SORCS3: variants seen among roughly 807,000 people sequenced by gnomAD.
SORCS3 encodes the protein sortilin related VPS10 domain containing receptor 3.
Under a neutral mutation model 146.3 loss-of-function variants are expected in SORCS3, and 57 were observed. The observed-to-expected ratio is 0.39, with a 90% confidence interval of 0.31 to 0.49. SORCS3 has a LOEUF of 0.49. Among genes scored for constraint, SORCS3 ranks in the 20% least tolerant of loss-of-function variants. The pLI is 0.92. For synonymous variants in SORCS3, 653 were observed against 618.5 expected (o/e 1.06, Z -0.83); for missense variants, 1,341 against 1,575.5 (o/e 0.85, Z 2.52).
At chr10:104,747,306 G>A (rs1016683982) in intron 1 of SORCS3, among the ~76,000 whole-genome samples, 1 of 152,190 alleles carries the variant, frequency 6.6e-6, no homozygotes, top group Admixed American at 6.5e-5. Context: ...TTCTAGGGAA[G>A]TAATCAGTCA....
At chr10:105,064,827 A>G (rs1218079787) in intron 5 of SORCS3, among the ~76,000 whole-genome samples, 1 of 151,446 alleles carries the variant, frequency 6.6e-6, no homozygotes, top group Non-Finnish European at 1.5e-5. Context: ...GTGAGGGCAG[A>G]TCTTCCCCAC....
At chr10:105,120,284 T>C (rs1316794085) in intron 7 of SORCS3, among the ~76,000 whole-genome samples, 1 of 152,196 alleles carries the variant, frequency 6.6e-6, no homozygotes, top group Non-Finnish European at 1.5e-5. Flanking sequence ...TTTCCAGCCA[T>C]GTAGAACTGT....
intron 20 of SORCS3, among the ~76,000 whole-genome samples, chr10:105,226,892 G>A (rs1037501226): frequency 2.6e-5 from 4 of 151,686 alleles, no homozygotes; most frequent in Non-Finnish European, 5.9e-5. Flanking sequence ...TGTTTCTGTG[G>A]TATCAGTTGC....
At chr10:104,940,693 G>A (rs879561889) in intron 3 of SORCS3, among the ~76,000 whole-genome samples, 11 of 151,958 alleles carry the variant, frequency 7.2e-5, no homozygotes, top group Admixed American at 1.3e-4. Flanking sequence ...GAATAGTGCC[G>A]CAGTAAACAT....
At chr10:105,001,041 C>A (rs1015907139) in intron 4 of SORCS3, among the ~76,000 whole-genome samples, 2 of 152,062 alleles carry the variant, frequency 1.3e-5, no homozygotes, top group African/African-American at 4.8e-5. Flanking sequence ...TCTATTAGAT[C>A]AAAATGTTTG....
intron 5 of SORCS3, among the ~76,000 whole-genome samples, chr10:105,084,979 C>T (rs1424955714): frequency 6.6e-6 from 1 of 152,112 alleles, no homozygotes; most frequent in East Asian, 1.9e-4. Context: ...ATCCGCCCGA[C>T]TCGGCCTCCC....
intron 1 of SORCS3, among the ~76,000 whole-genome samples, chr10:104,812,602 C>A (rs1465442688): frequency 6.6e-6 from 1 of 152,154 alleles, no homozygotes; most frequent in Admixed American, 6.5e-5. Flanking sequence ...TAGTCACACA[C>A]AGGGATGGGG....
rs143337400 is a variant in SORCS3, at chr10:105,006,836, T to G, written c.954+29343T>G. On this transcript the variant is annotated intron_variant, in intron 4 of 26. Coordinates refer to ENST00000369701, the MANE Select transcript of SORCS3 (RefSeq NM_014978.3). Reference sequence around the variant, plus strand: ...TGTAAAATCTAACTTCTTCTCAACTTACAACAGGCACCCCTTATCCTGCTT... The same window carrying G: ...TGTAAAATCTAACTTCTTCTCAACTGACAACAGGCACCCCTTATCCTGCTT... Among the ~76,000 whole-genome samples the G allele has an allele frequency of 7.6e-3, 1,157 of 152,316 alleles. 7 individuals carry two copies. Among genetic ancestry groups the G allele is most frequent in the African/African-American group, 0.016 (663 of 41,576 alleles).
chr10:104,777,107 C>T (rs1261437859), intron 1 of SORCS3, among the ~76,000 whole-genome samples: 1 of 152,052 alleles, frequency 6.6e-6, no homozygotes, highest in Non-Finnish European at 1.5e-5. Flanking sequence ...CTTCTGGGAC[C>T]CCAGAATTAA....
At chr10:105,242,144 A>C (rs1174930042) in intron 20 of SORCS3, among the ~76,000 whole-genome samples, 1 of 151,144 alleles carries the variant, frequency 6.6e-6, no homozygotes, top group African/African-American at 2.4e-5. Context: ...TATAAAACTA[A>C]ACATTTTCCT....
intron 1 of SORCS3, among the ~76,000 whole-genome samples, chr10:104,781,716 T>C (rs1222106531): frequency 6.6e-6 from 1 of 152,250 alleles, no homozygotes; most frequent in African/African-American, 2.4e-5. Flanking sequence ...ATAACAGTTA[T>C]CCTTTCTTGG....
At chr10:105,111,131 C>G (rs1054747195) in intron 7 of SORCS3, among the ~76,000 whole-genome samples, 1 of 152,222 alleles carries the variant, frequency 6.6e-6, no homozygotes, top group African/African-American at 2.4e-5. Context: ...AGTCTCCATG[C>G]ACAAACTGTG....
chr10:105,076,961 C>T (rs1349247740), intron 5 of SORCS3, among the ~76,000 whole-genome samples: 3 of 152,194 alleles, frequency 2.0e-5, no homozygotes, highest in African/African-American at 7.2e-5. Context: ...ATGGTGGTGG[C>T]TACAGTTCAC....
At chr10:104,890,402 CTA>C (rs1463548345) in intron 2 of SORCS3, among the ~76,000 whole-genome samples, 2 of 151,488 alleles carry the variant, frequency 1.3e-5, no homozygotes, top group African/African-American at 4.8e-5. Context: ...CTTATTTTTT[CTA>C]TGTTTCGTTC....
At chr10:104,825,220 A>T (rs2017921675) in intron 1 of SORCS3, among the ~76,000 whole-genome samples, 1 of 152,174 alleles carries the variant, frequency 6.6e-6, no homozygotes, top group African/African-American at 2.4e-5. Flanking sequence ...AAGGAACCTA[A>T]TGCATGCTGA....
At chr10:105,086,271 G>A (rs1052153022) in intron 5 of SORCS3, among the ~76,000 whole-genome samples, 1 of 152,174 alleles carries the variant, frequency 6.6e-6, no homozygotes, top group Non-Finnish European at 1.5e-5. Flanking sequence ...GAGTCAGGTA[G>A]ACAGCTCCAT....
chr10:105,173,333 A>C (rs2056375336), intron 13 of SORCS3, among the ~76,000 whole-genome samples: 1 of 152,092 alleles, frequency 6.6e-6, no homozygotes, highest in African/African-American at 2.4e-5. Context: ...AAACAACAAC[A>C]AAAAAAGAAA....
At chr10:105,031,756 C>T (rs1189054517) in intron 4 of SORCS3, among the ~76,000 whole-genome samples, 2 of 152,202 alleles carry the variant, frequency 1.3e-5, no homozygotes, top group Admixed American at 1.3e-4. Context: ...TCATTGTCCT[C>T]CCAACCTTTG....
chr10:105,220,601 T>A (rs1012737533), intron 19 of SORCS3, among the ~76,000 whole-genome samples: 4 of 152,162 alleles, frequency 2.6e-5, no homozygotes, highest in Non-Finnish European at 5.9e-5. Context: ...GCAGTGACTT[T>A]GAAGGTAAAA....
Sources: gnomAD v4.1 joint callset for allele counts (sites outside exome capture counted in the v4.1 genomes callset) on GRCh38, gnomAD v4.1.1 for gene constraint, MANE v1.5 for transcripts, NCBI Gene and HGNC (gene_info 2026-07-23, HGNC 2026-07-21) for gene names.